Variants in CADM2 observed in about 807,000 individuals in gnomAD.
CADM2 encodes the protein immunoglobulin superfamily member 4D.
In CADM2, 12 loss-of-function variants were observed where a neutral mutation model predicts 49.8. The observed-to-expected ratio is 0.24, with a 90% CI of 0.15 to 0.39. The LOEUF (loss-of-function observed/expected upper bound fraction) is 0.39, where lower values mean the gene tolerates loss of function less well. Among genes scored for constraint, CADM2 ranks in the 10% least tolerant of loss-of-function variants. The pLI, the probability that CADM2 is intolerant of heterozygous loss-of-function variation, is 1.00. For synonymous variants in CADM2, 214 were observed against 175.4 expected (o/e 1.22, Z -1.74); for missense variants, 378 against 492.3 (o/e 0.77, Z 2.20).
intron 7 of CADM2, among the ~76,000 whole-genome samples, chr3:85,943,082 C>A (rs1391896476): frequency 6.6e-6 from 1 of 152,056 alleles, no homozygotes. Flanking sequence ...TCTCTGATGG[C>A]CAGTGAAGAT....
intron 2 of CADM2, chr3:85,800,478 T>C (rs2108069034): frequency 6.4e-6 from 1 of 156,116 alleles, no homozygotes; most frequent in Non-Finnish European, 1.4e-5. Context: ...TGCAGCTAGC[T>C]CAGTGTCTGC....
intron 1 of CADM2, among the ~76,000 whole-genome samples, chr3:85,557,444 A>T (rs1054780741): frequency 6.6e-6 from 1 of 150,842 alleles, no homozygotes; most frequent in African/African-American, 2.4e-5. Context: ...TTTCCTGTTG[A>T]TTTTCTTCCT....
At chr3:85,917,268 C>T (rs1478696313) in intron 6 of CADM2, among the ~76,000 whole-genome samples, 1 of 152,082 alleles carries the variant, frequency 6.6e-6, no homozygotes, top group Non-Finnish European at 1.5e-5. Flanking sequence ...ATGGTATTGC[C>T]TAGGTTTTCT....
At chr3:85,293,796 A>G (rs2043872122) in intron 1 of CADM2, among the ~76,000 whole-genome samples, 2 of 148,720 alleles carry the variant, frequency 1.3e-5, no homozygotes, top group South Asian at 4.3e-4. Context: ...TTTCAAAATA[A>G]TAAGAGCTAT....
intron 1 of CADM2, among the ~76,000 whole-genome samples, chr3:85,228,383 G>C (rs1433436509): frequency 6.6e-6 from 1 of 151,444 alleles, no homozygotes; most frequent in Non-Finnish European, 1.5e-5. Flanking sequence ...TTAATCTTCA[G>C]TCACTGATAA....
intron 1 of CADM2, among the ~76,000 whole-genome samples, chr3:85,229,959 A>G (rs1219969700): frequency 6.6e-6 from 1 of 152,186 alleles, no homozygotes; most frequent in Admixed American, 6.5e-5. Flanking sequence ...TATTTGTAAG[A>G]TAACTTGTGT....
chr3:85,732,713 G>A (rs1049004964), intron 2 of CADM2, among the ~76,000 whole-genome samples: 11 of 152,084 alleles, frequency 7.2e-5, no homozygotes, highest in Non-Finnish European at 1.2e-4. Flanking sequence ...CTAAGCATTC[G>A]TAGGTGTTTT....
chr3:85,867,739 A>G (rs1022502406), intron 3 of CADM2, among the ~76,000 whole-genome samples: 2 of 152,086 alleles, frequency 1.3e-5, no homozygotes, highest in African/African-American at 4.8e-5. Flanking sequence ...CCGTTTAAAT[A>G]GCATTGTACA....
At chr3:85,730,751 C>G (rs1376100988) in intron 2 of CADM2, among the ~76,000 whole-genome samples, 1 of 152,126 alleles carries the variant, frequency 6.6e-6, no homozygotes, top group African/African-American at 2.4e-5. Context: ...CAAAATGTTA[C>G]AATTTTTTAA....
At chr3:86,022,409 T>C (rs1262167258) in intron 8 of CADM2, among the ~76,000 whole-genome samples, 8 of 152,136 alleles carry the variant, frequency 5.3e-5, no homozygotes, top group Admixed American at 5.2e-4. Context: ...TCTATCTCTC[T>C]CCTTCTCTTT....
chr3:85,239,435 A>T lies in CADM2; in HGVS notation c.61+279767A>T, dbSNP rs959347988. On this transcript the variant is annotated intron_variant, in intron 1 of 9. Coordinates refer to ENST00000383699, the MANE Select transcript of CADM2 (RefSeq NM_001167675.2). ...CATTGTAAACAATGAAACTATCTTGAAACCTAGAAGTAAAAACTGCTTTAC... is the reference window on the plus strand; with the variant it reads ...CATTGTAAACAATGAAACTATCTTGTAACCTAGAAGTAAAAACTGCTTTAC... Among the ~76,000 whole-genome samples the T allele has an allele frequency of 5.9e-5, 9 of 151,760 alleles. No homozygotes were observed. In the Admixed American group the frequency reaches 5.9e-4, roughly 10 times the overall value.
At chr3:85,693,566 CA>C (rs562723713) in intron 1 of CADM2, among the ~76,000 whole-genome samples, 94 of 76,100 alleles carry the variant, frequency 1.2e-3, no homozygotes, top group Middle Eastern at 0.013. Flanking sequence ...GGCGAAAGAG[CA>C]AAAAAAAAAA....
chr3:85,292,070 C>A, intron 1 of CADM2, among the ~76,000 whole-genome samples: 1 of 150,164 alleles, frequency 6.7e-6, no homozygotes, highest in Non-Finnish European at 1.5e-5. Context: ...CACACATAGG[C>A]TCAAAATAAA....
intron 1 of CADM2, among the ~76,000 whole-genome samples, chr3:85,125,063 T>C (rs58210541): frequency 6.6e-6 from 1 of 152,164 alleles, no homozygotes; most frequent in Non-Finnish European, 1.5e-5. Context: ...TGTCTAAAAT[T>C]TAATCAGCAG....
intron 1 of CADM2, among the ~76,000 whole-genome samples, chr3:85,691,582 C>G (rs1371170744): frequency 3.3e-5 from 5 of 152,114 alleles, no homozygotes; most frequent in Admixed American, 3.3e-4. Flanking sequence ...CCTCAGGGAT[C>G]TAGAACTAGA....
intron 1 of CADM2, among the ~76,000 whole-genome samples, chr3:85,572,359 G>T (rs1409801255): frequency 7.9e-5 from 12 of 152,024 alleles, no homozygotes; most frequent in Non-Finnish European, 2.9e-5. Flanking sequence ...AATATATGAG[G>T]CATAAAAGTT....
intron 1 of CADM2, among the ~76,000 whole-genome samples, chr3:85,501,996 A>G (rs2040137832): frequency 6.6e-6 from 1 of 152,202 alleles, no homozygotes; most frequent in Admixed American, 6.5e-5. Context: ...CTAAGAAAGC[A>G]TGAATTTAAA....
At chr3:85,290,048 G>C (rs1441400909) in intron 1 of CADM2, among the ~76,000 whole-genome samples, 1 of 152,132 alleles carries the variant, frequency 6.6e-6, no homozygotes, top group Non-Finnish European at 1.5e-5. Flanking sequence ...TCTCACTAGG[G>C]AGTGCCAGAC....
intron 1 of CADM2, among the ~76,000 whole-genome samples, chr3:85,636,596 G>A (rs2064495698): frequency 6.6e-6 from 1 of 152,096 alleles, no homozygotes; most frequent in Non-Finnish European, 1.5e-5. Context: ...GTACAAGAAT[G>A]TCTTAAGCCT....
Sources: allele counts gnomAD v4.1 joint callset (sites outside exome capture counted in the v4.1 genomes callset), GRCh38; gene constraint gnomAD v4.1.1; transcripts MANE v1.5; gene names NCBI Gene and HGNC (gene_info 2026-07-23, HGNC 2026-07-21).